MORF4L1: variants seen among roughly 807,000 people sequenced by gnomAD.
MORF4L1 encodes the protein mortality factor 4 like 1.
Under a neutral mutation model 52.9 loss-of-function variants are expected in MORF4L1, and 4 were observed. The ratio of observed to expected loss-of-function variants is 0.08; its 90% CI spans 0.04 to 0.17. The LOEUF (loss-of-function observed/expected upper bound fraction) is 0.17, where lower values mean the gene tolerates loss of function less well. MORF4L1 is among the 10% of genes least tolerant of loss of function. The probability of loss-of-function intolerance (pLI) is 1.00; values close to 1 mark genes in which losing one functional copy is unlikely to be tolerated. For missense variants in MORF4L1, 214 were observed against 390.4 expected (o/e 0.55, Z 3.81); for synonymous variants, 123 against 134.8 (o/e 0.91, Z 0.61).
In MORF4L1 at chr15:78,872,910, A is replaced by T; in HGVS notation, c.-108A>T. The T allele has an allele frequency of 2.0e-6, 3 of 1,482,054 alleles. No individual in the cohort carries two copies. The highest frequency in any genetic ancestry group is 2.7e-6 in the Non-Finnish European group (3 of 1,120,022). 91.8% of individuals were successfully genotyped at this position (1,482,054 alleles called of 1,614,324 possible). On this transcript the variant is annotated 5_prime_UTR_variant, in exon 1 of 12. Transcript: ENST00000426013. The stretch of plus-strand genomic sequence containing the variant: ...CTGGCAAATCCGGCCCAGGATGTAG[A>T]GCTGGCAGTGCCTGACGGCGCGTCT...
chr15:78,894,358 T>A, intron 10 of MORF4L1, 128 bp downstream of exon 10: 1 of 690,082 alleles, frequency 1.4e-6, no homozygotes, highest in Non-Finnish European at 2.3e-6. Context: ...TCTAGAATGT[T>A]AAATAGCAAA....
intron 5 of MORF4L1, 154 bp from the exon 6 acceptor site, chr15:78,890,835 A>G (rs968237845): frequency 4.5e-5 from 30 of 661,958 alleles, no homozygotes; most frequent in Admixed American, 2.4e-4. Context: ...CCAACTATCA[A>G]TAAAAATCCT....
intron 3 of MORF4L1, among the ~76,000 whole-genome samples, chr15:78,882,966 A>G (rs1183355954): frequency 3.3e-5 from 5 of 152,234 alleles, no homozygotes; most frequent in Non-Finnish European, 4.4e-5. Context: ...TGTAATCTCA[A>G]CACTTTGGGA....
intron 5 of MORF4L1, among the ~76,000 whole-genome samples, chr15:78,890,079 G>A (rs1264455351): frequency 6.6e-6 from 1 of 152,090 alleles, no homozygotes; most frequent in African/African-American, 2.4e-5. Flanking sequence ...AATGAGCTGG[G>A]AGTGGTGGTG....
At chr15:78,878,582 A>C (rs1377918604) in intron 2 of MORF4L1, among the ~76,000 whole-genome samples, 1 of 149,112 alleles carries the variant, frequency 6.7e-6, no homozygotes, top group Non-Finnish European at 1.5e-5. Context: ...TGCTGAAGTT[A>C]CTTTTAAAAG....
intron 3 of MORF4L1, chr15:78,885,209 ATTT>A: frequency 1.4e-6 from 1 of 713,934 alleles, no homozygotes; most frequent in Non-Finnish European, 2.2e-6. Context: ...AAAGTCTTAA[ATTT>A]TTTTTTGTAA....
intron 8 of MORF4L1, chr15:78,892,976 G>A (rs979328713): frequency 2.6e-5 from 4 of 153,394 alleles, no homozygotes; most frequent in South Asian, 2.0e-4. Context: ...GCTAAACTGC[G>A]AAGATTCAAG....
At chr15:78,873,441 T>A (rs921857885) in intron 1 of MORF4L1, among the ~76,000 whole-genome samples, 1 of 151,974 alleles carries the variant, frequency 6.6e-6, no homozygotes, top group African/African-American at 2.4e-5. Context: ...GGTGGCTGTT[T>A]CGGGCGGTCC....
In MORF4L1 at chr15:78,886,162, G is replaced by T; in HGVS notation, c.177G>T (p.Glu59Asp). Residue 59 changes from glutamate (E) to aspartate (D), a missense_variant, in exon 4 of 12, where the codon GAG becomes GAT. Around this residue, in one of 5 missense-constraint regions of MORF4L1, gnomAD observed 84 missense variants for 116.3 expected, o/e 0.72. Coordinates refer to ENST00000426013, the MANE Select transcript of MORF4L1 (RefSeq NM_006791.4). ...WNKNWDEWVP[E>D]SRVLKYVDTN... ...TCAGTTGGGATGAATGGGTTCCGGA[G>T]AGCAGAGTACTCAAATACGTGGACA... 1.2e-6 allele frequency: 2 copies of T among 1,613,898 alleles called. No individual in the cohort carries two copies. The highest frequency in any genetic ancestry group is 1.7e-6 in the Non-Finnish European group (2 of 1,179,816).
chr15:78,887,220 T>C, intron 4 of MORF4L1, 49 bp from the exon 5 acceptor site: 2 of 1,498,020 alleles, frequency 1.3e-6, no homozygotes, highest in Non-Finnish European at 1.8e-6. Context: ...AATTTTTTTT[T>C]CACATAAATG....
chr15:78,894,559 C>A, intron 10 of MORF4L1: 1 of 443,002 alleles, frequency 2.3e-6, no homozygotes, highest in Non-Finnish European at 4.1e-6. Flanking sequence ...AGGTGTGCAC[C>A]ACCACATCTG....
intron 2 of MORF4L1, among the ~76,000 whole-genome samples, chr15:78,878,992 A>C (rs986678168): frequency 6.6e-6 from 1 of 152,148 alleles, no homozygotes; most frequent in Non-Finnish European, 1.5e-5. Flanking sequence ...AATAGCCTTA[A>C]AGTGTCAGAC....
chr15:78,884,641 A>G (rs1291511233), intron 3 of MORF4L1, among the ~76,000 whole-genome samples: 1 of 23,786 alleles, frequency 4.2e-5, no homozygotes, highest in East Asian at 3.2e-4. Flanking sequence ...CTCTGTCTCA[A>G]AAAAAAAAAA....
At chr15:78,877,807 G>T (rs975014278) in intron 1 of MORF4L1, 2 of 157,186 alleles carry the variant, frequency 1.3e-5, no homozygotes, top group Non-Finnish European at 2.8e-5. Flanking sequence ...AAAAGGGTTG[G>T]AAGCAGAGAT....
chr15:78,878,133 A>G lies in MORF4L1; in HGVS notation c.41-80A>G, dbSNP rs2056531022. ...AATTTGGCTAGGAATACCTTAATAA[A>G]AGTGTGATGACTCTCTAAGATGTTA... On this transcript the variant is annotated intron_variant, in intron 1 of 11. Coordinates refer to ENST00000426013, the MANE Select transcript of MORF4L1 (RefSeq NM_006791.4). 5.6e-6 allele frequency: 8 copies of G among 1,426,650 alleles called. No homozygotes were observed. The South Asian group carries it at 1.1e-4, about 19-fold the overall frequency. 88.4% of individuals were successfully genotyped at this position (1,426,650 alleles called of 1,614,324 possible).
At chr15:78,886,317 C>A in intron 4 of MORF4L1, 90 bp downstream of exon 4, 1 of 1,140,542 alleles carries the variant, frequency 8.8e-7, no homozygotes, top group Non-Finnish European at 1.3e-6. Context: ...ATGTTGGCTG[C>A]CCTGCCTATA....
intron 1 of MORF4L1, among the ~76,000 whole-genome samples, chr15:78,875,020 G>A (rs967157806): frequency 6.6e-6 from 1 of 151,918 alleles, no homozygotes; most frequent in Admixed American, 6.6e-5. Flanking sequence ...TTCAGTTATC[G>A]CATTCTTATT....
chr15:78,885,420 TGA>T (rs1488725018), intron 3 of MORF4L1, among the ~76,000 whole-genome samples: 2 of 152,252 alleles, frequency 1.3e-5, no homozygotes, highest in Non-Finnish European at 2.9e-5. Flanking sequence ...TTAACATTTT[TGA>T]GAGAGTTGGT....
intron 3 of MORF4L1, among the ~76,000 whole-genome samples, chr15:78,883,287 T>C (rs1339351227): frequency 6.6e-6 from 1 of 152,056 alleles, no homozygotes; most frequent in Non-Finnish European, 1.5e-5. Flanking sequence ...AAAGAAGATA[T>C]TTTTAAAAAC....
Sources: gnomAD v4.1 joint callset for allele counts (sites outside exome capture counted in the v4.1 genomes callset) on GRCh38, gnomAD v4.1.1 for gene constraint, gnomAD v4.1.1 regional missense constraint, MANE v1.5 for transcripts, NCBI Gene and HGNC (gene_info 2026-07-23, HGNC 2026-07-21) for gene names.